Variants in SEZ6L observed in about 807,000 individuals in gnomAD.
SEZ6L encodes the protein seizure related 6 homolog like, also known as seizure 6-like protein.
Under a neutral mutation model 106.2 loss-of-function variants are expected in SEZ6L, and 37 were observed. The observed-to-expected ratio is 0.35, with a 90% confidence interval of 0.27 to 0.46. The LOEUF is 0.46. SEZ6L is among the 20% of genes least tolerant of loss of function. The pLI is 1.00. For missense variants in SEZ6L, 1,172 were observed against 1,332.8 expected (o/e 0.88, Z 1.88); for synonymous variants, 541 against 570.4 (o/e 0.95, Z 0.73).
intron 1 of SEZ6L, among the ~76,000 whole-genome samples, chr22:26,278,461 T>C (rs1447870135): frequency 6.6e-6 from 1 of 152,096 alleles, no homozygotes; most frequent in African/African-American, 2.4e-5. Context: ...ACCTTTGGAG[T>C]CTCCAGTGTC....
chr22:26,285,194 G>T (rs989815776), intron 1 of SEZ6L, among the ~76,000 whole-genome samples: 1 of 152,186 alleles, frequency 6.6e-6, no homozygotes, highest in African/African-American at 2.4e-5. Flanking sequence ...GTGGACCACA[G>T]GGGGCCGGCA....
intron 1 of SEZ6L, among the ~76,000 whole-genome samples, chr22:26,251,977 A>G (rs577576948): frequency 6.6e-6 from 1 of 152,166 alleles, no homozygotes; most frequent in South Asian, 2.1e-4. Context: ...TTTAAACTCA[A>G]TGGGGCAAAA....
chr22:26,203,139 A>G lies in SEZ6L; in HGVS notation c.94+33376A>G, dbSNP rs140518515. 2.8e-3 allele frequency among the ~76,000 whole-genome samples: 422 copies of G among 152,324 alleles called. 3 individuals are homozygous for G. Among genetic ancestry groups the G allele is most frequent in the African/African-American group, 9.7e-3 (404 of 41,578 alleles). On this transcript the variant is annotated intron_variant, in intron 1 of 16. Transcript: ENST00000248933. ...TTCATTCATGAATCATCAGGGTGTC[A>G]GTGTCTAGAACATCTCTCTAGGTCC...
Position 26,351,105 on chromosome 22 carries a change from G to C in SEZ6L, c.2461G>C (p.Asp821His), listed in dbSNP as rs968339716. Residue 821 changes from aspartate to histidine, a missense_variant, in exon 12 of 17, where the codon GAT becomes CAT. By Grantham distance (81) the Asp-to-His change is moderately conservative. This residue lies in a region of SEZ6L where 534 missense variants were observed against 691.0 expected (regional missense o/e 0.77). Coordinates refer to ENST00000248933, the MANE Select transcript of SEZ6L (RefSeq NM_021115.5). ...EVDHSTRLIS[D>H]PVLLVGTTIQ... ...GGATCACTCGACCCGCTTAATTTCGGATCCTGTGCTGCTGGTGGGGACCAC... is the reference window on the plus strand; with the variant it reads ...GGATCACTCGACCCGCTTAATTTCGCATCCTGTGCTGCTGGTGGGGACCAC... The C allele has an allele frequency of 7.4e-6, 12 of 1,614,208 alleles. No individual in the cohort carries two copies. The East Asian group carries it at 2.5e-4, about 33-fold the overall frequency.
At chr22:26,282,186 T>C (rs2080793926) in intron 1 of SEZ6L, among the ~76,000 whole-genome samples, 1 of 152,244 alleles carries the variant, frequency 6.6e-6, no homozygotes, top group Non-Finnish European at 1.5e-5. Flanking sequence ...CACTCTATGT[T>C]ATTCACCAGT....
chr22:26,310,625 C>G (rs1418137596), intron 6 of SEZ6L, 45 bp from the exon 7 acceptor site: 2 of 1,604,348 alleles, frequency 1.2e-6, no homozygotes. Context: ...TGTCAGTGAC[C>G]CAGGAAGATC....
At chr22:26,263,780 C>T (rs1423269933) in intron 1 of SEZ6L, among the ~76,000 whole-genome samples, 1 of 152,178 alleles carries the variant, frequency 6.6e-6, no homozygotes, top group Non-Finnish European at 1.5e-5. Context: ...TGGGCATCCT[C>T]CTTGATCTCT....
At position 26,306,146 on chromosome 22, in the gene SEZ6L, T is replaced by TA. The variant is rs2081624726; in HGVS notation, c.1514+5dup. ...GCTGTTGCTGCATGACAAGGACAGG[T>TA]AAAGCTCTGAAGGTCCACACCCAAC... On this transcript the variant is annotated splice_region_variant and intron_variant, in intron 6 of 16. Transcript: ENST00000248933. The TA allele has an allele frequency of 9.3e-6, 15 of 1,612,892 alleles. No homozygotes were observed. Among genetic ancestry groups the TA allele is most frequent in the Non-Finnish European group, 1.3e-5 (15 of 1,179,986 alleles).
intron 1 of SEZ6L, among the ~76,000 whole-genome samples, chr22:26,278,974 G>GAGGGAGGGAGGGAGGGACGA (rs2080657717): frequency 1.6e-5 from 1 of 64,464 alleles, no homozygotes; most frequent in Non-Finnish European, 3.3e-5. Flanking sequence ...GAGAGGAAGG[G>GAGGGAGGGAGGGAGGGACGA]AGGGAGGGAG....
At chr22:26,286,856 T>C (rs1247393498) in intron 1 of SEZ6L, among the ~76,000 whole-genome samples, 1 of 151,156 alleles carries the variant, frequency 6.6e-6, no homozygotes, top group African/African-American at 2.4e-5. Flanking sequence ...TGAGTGATTC[T>C]CCCGCCTCAG....
Position 26,292,925 on chromosome 22 carries a change from T to C in SEZ6L, c.614T>C (p.Phe205Ser). 6.2e-7 allele frequency: 1 copy of C among 1,614,026 alleles called. No homozygotes were observed. Among genetic ancestry groups the C allele is most frequent in the Non-Finnish European group, 8.5e-7 (1 of 1,179,978 alleles). ...CCCGCACCCCTGCAAATCTCCCCCT[T>C]CACTTCGCAGCCCTATGTGGCCCAC... ...TTPAPLQISP[F>S]TSQPYVAHTL... is the part of the protein sequence containing the mutation. The change falls in exon 2 of 17, where the codon TTC becomes TCC. Residue 205 changes from phenylalanine to serine, a missense_variant. This residue lies in a region of SEZ6L where 494 missense variants were observed against 445.8 expected (regional missense o/e 1.11). Coordinates refer to ENST00000248933, the MANE Select transcript of SEZ6L (RefSeq NM_021115.5).
Position 26,348,692 on chromosome 22 carries a change from AAG to A in SEZ6L, c.2407+781_2407+782del, listed in dbSNP as rs1338349871. On this transcript the variant is annotated intron_variant, in intron 11 of 16. Transcript: ENST00000248933. Reference sequence around the variant, plus strand: ...AAAGAAAGAAAGAAAGAAAGAAAGAAAGAAAGAAAGAAGGCAAGGGAGGGAAG... The same window carrying A: ...AAAGAAAGAAAGAAAGAAAGAAAGAAAAAGAAAGAAGGCAAGGGAGGGAAG... Among the ~76,000 whole-genome samples, 14 of 90,074 alleles carry A rather than the reference AAG, an allele frequency of 1.6e-4. 2 individuals carry two copies. Among genetic ancestry groups the A allele is most frequent in the African/African-American group, 5.2e-4 (11 of 21,020 alleles). 59.1% of individuals were successfully genotyped at this position (90,074 alleles called of 152,430 possible).
intron 1 of SEZ6L, among the ~76,000 whole-genome samples, chr22:26,189,990 G>A (rs764190065): frequency 6.6e-6 from 1 of 151,946 alleles, no homozygotes; most frequent in Non-Finnish European, 1.5e-5. Context: ...CCAGTTACTC[G>A]GGAGGCTGAG....
chr22:26,316,932 A>G (rs1434729257), intron 9 of SEZ6L, among the ~76,000 whole-genome samples: 2 of 151,848 alleles, frequency 1.3e-5, no homozygotes, highest in Admixed American at 1.3e-4. Flanking sequence ...AAAAAGAAAG[A>G]AAGAAAAGAA....
intron 1 of SEZ6L, among the ~76,000 whole-genome samples, chr22:26,238,541 A>G (rs1196233003): frequency 6.6e-6 from 1 of 152,220 alleles, no homozygotes; most frequent in East Asian, 1.9e-4. Flanking sequence ...ACTGCTTCCC[A>G]GGAGACAGCA....
chr22:26,205,647 T>C (rs895690564), intron 1 of SEZ6L, among the ~76,000 whole-genome samples: 1 of 152,030 alleles, frequency 6.6e-6, no homozygotes, highest in African/African-American at 2.4e-5. Flanking sequence ...AAAATCTCGG[T>C]GGTGGGGGAT....
rs367625200 is a variant in SEZ6L, at chr22:26,269,011, G to A, written c.95-23395G>A. 8.5e-4 allele frequency among the ~76,000 whole-genome samples: 129 copies of A among 152,284 alleles called. 3 individuals are homozygous for A. The South Asian group carries it at 0.024, about 29-fold the overall frequency. On this transcript the variant is annotated intron_variant, in intron 1 of 16. Coordinates refer to ENST00000248933, the MANE Select transcript of SEZ6L (RefSeq NM_021115.5). ...ATAATTTCTCCCCTGCAAGGTTTTT[G>A]CTCTAGGATCAAACAGGACAATGGA...
chr22:26,312,522 A>T (rs2081870380), intron 8 of SEZ6L, among the ~76,000 whole-genome samples: 1 of 151,480 alleles, frequency 6.6e-6, no homozygotes. Flanking sequence ...TTGTTCTCAG[A>T]GCACTGTGCT....
At chr22:26,313,600 A>G (rs889338544) in intron 8 of SEZ6L, among the ~76,000 whole-genome samples, 164 bp from the exon 9 acceptor site, 25 of 62,424 alleles carry the variant, frequency 4.0e-4, no homozygotes, top group East Asian at 3.4e-3. Flanking sequence ...ACACACACAC[A>G]CACGCACACA....
Sources: allele counts gnomAD v4.1 joint callset (sites outside exome capture counted in the v4.1 genomes callset), GRCh38; gene constraint gnomAD v4.1.1; regional missense constraint gnomAD v4.1.1; transcripts MANE v1.5; gene names NCBI Gene and HGNC (gene_info 2026-07-23, HGNC 2026-07-21).